Variants in RGS6 observed in about 807,000 individuals in gnomAD.
RGS6 encodes regulator of G-protein signaling 6.
Under a neutral mutation model 78.5 loss-of-function variants are expected in RGS6, and 30 were observed. The observed-to-expected ratio is 0.38, with a 90% CI of 0.29 to 0.52. The LOEUF is 0.52. Among genes scored for constraint, RGS6 ranks in the 20% least tolerant of loss-of-function variants. RGS6 has a pLI of 0.85. For synonymous variants in RGS6, 206 were observed against 206.0 expected (o/e 1.00, Z 0.00); for missense variants, 495 against 609.7 (o/e 0.81, Z 1.98).
At chr14:72,615,668 C>T in the RGS6 span, among the ~76,000 whole-genome samples, 489 of 152,320 alleles carry the variant, frequency 3.2e-3, 3 homozygotes, top group African/African-American at 0.011. Context: ...CCCAGGCTTC[C>T]GGCTTCCTAC....
At chr14:72,617,925 T>C in the RGS6 span, among the ~76,000 whole-genome samples, 1 of 152,054 alleles carries the variant, frequency 6.6e-6, no homozygotes, top group Non-Finnish European at 1.5e-5. Flanking sequence ...CAAATGATTT[T>C]TCCAGAAATA....
the RGS6 span, among the ~76,000 whole-genome samples, chr14:71,883,259 A>T: frequency 3.9e-5 from 6 of 152,166 alleles, no homozygotes. Context: ...GATTCAGTTC[A>T]CACTGCCAGC....
chr14:72,457,828 G>A (rs953335680), intron 4 of RGS6, among the ~76,000 whole-genome samples: 13 of 152,152 alleles, frequency 8.5e-5, no homozygotes, highest in South Asian at 4.1e-4. Context: ...GGAGTCCTAC[G>A]TCTCTATGGG....
chr14:72,081,932 A>G (rs929608715), intron 2 of RGS6, among the ~76,000 whole-genome samples: 7 of 152,112 alleles, frequency 4.6e-5, no homozygotes, highest in African/African-American at 1.7e-4. Flanking sequence ...GCCCAAGCAG[A>G]GAGTTAAAAA....
the RGS6 span, among the ~76,000 whole-genome samples, chr14:72,593,320 C>T: frequency 4.6e-5 from 7 of 152,182 alleles, no homozygotes; most frequent in Admixed American, 2.0e-4. Context: ...CCTGATCATA[C>T]GATAGCAAGA....
chr14:72,409,646 T>G (rs1482519715), intron 3 of RGS6, among the ~76,000 whole-genome samples: 1 of 152,124 alleles, frequency 6.6e-6, no homozygotes, highest in Admixed American at 6.6e-5. Flanking sequence ...CATGGCCATG[T>G]TGGTGTGCTG....
intron 9 of RGS6, among the ~76,000 whole-genome samples, chr14:72,473,224 A>G (rs1203645500): frequency 6.6e-6 from 1 of 152,212 alleles, no homozygotes; most frequent in Non-Finnish European, 1.5e-5. Context: ...TGGGTGGATC[A>G]CGAGGTCAGT....
intron 3 of RGS6, among the ~76,000 whole-genome samples, chr14:72,423,384 A>G (rs2094291671): frequency 6.6e-6 from 1 of 152,188 alleles, no homozygotes; most frequent in South Asian, 2.1e-4. Flanking sequence ...GTCTCTAATT[A>G]TAAGATACAA....
the RGS6 span, among the ~76,000 whole-genome samples, chr14:71,907,483 G>A: frequency 2.0e-5 from 3 of 152,144 alleles, no homozygotes; most frequent in Non-Finnish European, 1.5e-5. Context: ...AGGGGAGAGG[G>A]GCAAGGCTGT....
chr14:72,528,355 G>A (rs1476421426), intron 15 of RGS6, among the ~76,000 whole-genome samples: 1 of 152,198 alleles, frequency 6.6e-6, no homozygotes, highest in Non-Finnish European at 1.5e-5. Context: ...CCCAAGAAGA[G>A]AAAATGAAGG....
At chr14:71,980,301 A>C (rs1236845253) in intron 2 of RGS6, among the ~76,000 whole-genome samples, 2 of 127,590 alleles carry the variant, frequency 1.6e-5, no homozygotes, top group Admixed American at 1.6e-4. Context: ...TGATCCTGTC[A>C]TTATGATGTT....
At chr14:72,556,277 G>GTCTT (rs1287895016) in intron 17 of RGS6, among the ~76,000 whole-genome samples, 1 of 152,150 alleles carries the variant, frequency 6.6e-6, no homozygotes, top group African/African-American at 2.4e-5. Context: ...AAGGGAAGCA[G>GTCTT]TCTTACTTGG....
At chr14:72,560,840 T>TGTGTGTGTGTGTGTG (rs2097665588) in intron 17 of RGS6, among the ~76,000 whole-genome samples, 1 of 93,978 alleles carries the variant, frequency 1.1e-5, no homozygotes, top group Non-Finnish European at 2.5e-5. Flanking sequence ...GTGTGTGTGT[T>TGTGTGTGTGTGTGTG]TAAGATGGGG....
At chr14:72,267,113 G>C (rs972635945) in intron 2 of RGS6, among the ~76,000 whole-genome samples, 2 of 152,080 alleles carry the variant, frequency 1.3e-5, no homozygotes, top group Non-Finnish European at 2.9e-5. Context: ...ATGATTTCTG[G>C]CTAATTTTTG....
At chr14:72,161,082 TC>T (rs1275507350) in intron 2 of RGS6, among the ~76,000 whole-genome samples, 1 of 152,174 alleles carries the variant, frequency 6.6e-6, no homozygotes, top group Non-Finnish European at 1.5e-5. Context: ...TGAGTTCGTG[TC>T]CTTTGCAGAG....
At chr14:71,909,063 T>C in the RGS6 span, among the ~76,000 whole-genome samples, 1 of 152,170 alleles carries the variant, frequency 6.6e-6, no homozygotes. Flanking sequence ...ATGAGTGGGC[T>C]TAGGTTGAAG....
intron 2 of RGS6, among the ~76,000 whole-genome samples, chr14:72,094,847 A>G (rs956066151): frequency 5.9e-5 from 9 of 152,210 alleles, no homozygotes; most frequent in Non-Finnish European, 1.3e-4. Context: ...GATAAGCACA[A>G]CAGTTGTTTC....
the RGS6 span, among the ~76,000 whole-genome samples, chr14:71,893,576 T>C: frequency 6.6e-6 from 1 of 152,198 alleles, no homozygotes; most frequent in Non-Finnish European, 1.5e-5. Context: ...TTATCTGGCA[T>C]GGGCTGAAGG....
chr14:71,892,856 T>C, the RGS6 span, among the ~76,000 whole-genome samples: 1 of 152,264 alleles, frequency 6.6e-6, no homozygotes, highest in Non-Finnish European at 1.5e-5. Context: ...ATGGTGACTT[T>C]ATGTTAATGT....
Sources: gnomAD v4.1 joint callset for allele counts (sites outside exome capture counted in the v4.1 genomes callset) on GRCh38, gnomAD v4.1.1 for gene constraint, MANE v1.5 for transcripts, NCBI Gene and HGNC (gene_info 2026-07-23, HGNC 2026-07-21) for gene names.